Variants in PLBD1 observed in about 807,000 individuals in gnomAD.
The protein encoded by PLBD1 is lysosomal leucine aminopeptidase.
In PLBD1, 60 loss-of-function variants were observed where a neutral mutation model predicts 63.0. That is an observed-to-expected ratio of 0.95 (90% CI 0.77 to 1.18). The LOEUF is 1.18. Ranked by LOEUF, PLBD1 falls within the 50% of genes most tolerant of loss-of-function variation. PLBD1 has a pLI of 0.00. For missense variants in PLBD1, 598 were observed against 677.9 expected (o/e 0.88, Z 1.31); for synonymous variants, 262 against 248.0 (o/e 1.06, Z -0.53).
At chr12:14,560,356 A>G (rs1945735964) in intron 1 of PLBD1, among the ~76,000 whole-genome samples, 1 of 152,260 alleles carries the variant, frequency 6.6e-6, no homozygotes, top group African/African-American at 2.4e-5. Context: ...TGTTTACTTA[A>G]TATATTCAGA....
chr12:14,566,740 C>T (rs933479512), intron 1 of PLBD1, among the ~76,000 whole-genome samples: 1 of 150,728 alleles, frequency 6.6e-6, no homozygotes, highest in Non-Finnish European at 1.5e-5. Context: ...TCTGATCAAT[C>T]TCACTTTTCT....
At chr12:14,517,324 T>C (rs1945344451) in intron 6 of PLBD1, among the ~76,000 whole-genome samples, 1 of 152,070 alleles carries the variant, frequency 6.6e-6, no homozygotes, top group Non-Finnish European at 1.5e-5. Flanking sequence ...TTTTTTAATT[T>C]TTTGTAGAGA....
At chr12:14,506,528 A>G (rs953362892) in intron 9 of PLBD1, among the ~76,000 whole-genome samples, 2 of 152,268 alleles carry the variant, frequency 1.3e-5, no homozygotes, top group Admixed American at 6.5e-5. Flanking sequence ...ATAAACGTCC[A>G]TCAGCTGTTT....
rs1343112863 is a variant in PLBD1, at chr12:14,540,093, T to C, written c.558+671A>G. On this transcript the variant is annotated intron_variant, in intron 4 of 10. Coordinates refer to ENST00000240617, the MANE Select transcript of PLBD1 (RefSeq NM_024829.6). ...GTCAAAATAGGCAAAAAGAGAGTTA[T>C]ATAATATAAATATTATTTATATATA... Among the ~76,000 whole-genome samples the C allele has an allele frequency of 2.4e-5, 2 of 81,664 alleles. 1 individual carries two copies. Among genetic ancestry groups the C allele is most frequent in the Non-Finnish European group, 4.9e-5 (2 of 40,406 alleles). 53.6% of individuals were successfully genotyped at this position (81,664 alleles called of 152,430 possible).
intron 4 of PLBD1, among the ~76,000 whole-genome samples, chr12:14,538,792 G>A (rs910481518): frequency 2.6e-5 from 4 of 152,092 alleles, no homozygotes; most frequent in Admixed American, 6.5e-5. Context: ...TTGGGAGGCC[G>A]AGTCCAGTGA....
chr12:14,560,090 C>T (rs904780667), intron 1 of PLBD1, among the ~76,000 whole-genome samples: 2 of 152,128 alleles, frequency 1.3e-5, no homozygotes, highest in African/African-American at 4.8e-5. Flanking sequence ...GAACTCTTGA[C>T]CTCAGGTGAT....
chr12:14,559,947 G>A lies in PLBD1; in HGVS notation c.116-6535C>T, dbSNP rs1041050806. Among the ~76,000 whole-genome samples the A allele has an allele frequency of 4.6e-5, 7 of 151,300 alleles. No individual in the cohort carries two copies. In the East Asian group the frequency reaches 9.7e-4, roughly 21 times the overall value. On this transcript the variant is annotated intron_variant, in intron 1 of 10. Transcript: ENST00000240617. ...GCGATCTTGGCTCACCACAGCCTCCGCCTCCCGGGTTCAAGCGATTCTCCT... is the reference window on the plus strand; with the variant it reads ...GCGATCTTGGCTCACCACAGCCTCCACCTCCCGGGTTCAAGCGATTCTCCT...
chr12:14,523,239 G>A (rs182085824), intron 6 of PLBD1, among the ~76,000 whole-genome samples: 4 of 151,856 alleles, frequency 2.6e-5, no homozygotes, highest in Admixed American at 2.6e-4. Context: ...AAATAAGAAG[G>A]CAATTCCATT....
intron 1 of PLBD1, among the ~76,000 whole-genome samples, chr12:14,561,382 TG>T (rs1389111279): frequency 6.6e-6 from 1 of 152,032 alleles, no homozygotes; most frequent in East Asian, 1.9e-4. Context: ...GGTTCCATGC[TG>T]TTAGGTCAGT....
At chr12:14,543,724 C>T (rs1023288543) in intron 2 of PLBD1, among the ~76,000 whole-genome samples, 3 of 151,936 alleles carry the variant, frequency 2.0e-5, no homozygotes, top group African/African-American at 4.8e-5. Flanking sequence ...GACTCCATCT[C>T]AGGAAAAAAA....
intron 8 of PLBD1, 52 bp downstream of exon 8, chr12:14,511,208 T>G: frequency 7.1e-7 from 1 of 1,407,296 alleles, no homozygotes; most frequent in South Asian, 1.3e-5. Context: ...CTACCATATA[T>G]GAACACACAC....
At chr12:14,553,488 A>G in intron 1 of PLBD1, 76 bp from the exon 2 acceptor site, 6 of 1,118,614 alleles carry the variant, frequency 5.4e-6, no homozygotes, top group Non-Finnish European at 8.0e-6. Flanking sequence ...GTATCCAACA[A>G]TTTCAAGACG....
chr12:14,519,817 G>A (rs1186589544), intron 6 of PLBD1, among the ~76,000 whole-genome samples: 1 of 152,122 alleles, frequency 6.6e-6, no homozygotes, highest in Non-Finnish European at 1.5e-5. Context: ...CCCAGTCTTT[G>A]TCATGGCAGC....
chr12:14,534,778 G>A (rs559252417), intron 6 of PLBD1, among the ~76,000 whole-genome samples: 88 of 152,218 alleles, frequency 5.8e-4, no homozygotes, highest in Admixed American at 1.6e-3. Flanking sequence ...TCCTGACCTC[G>A]TGATCCGCCC....
intron 6 of PLBD1, among the ~76,000 whole-genome samples, chr12:14,516,244 G>T (rs538366910): frequency 1.3e-5 from 2 of 152,158 alleles, no homozygotes; most frequent in Non-Finnish European, 1.5e-5. Context: ...TAGGGGATTC[G>T]CTTGAACCCA....
chr12:14,562,273 T>C (rs1945746477), intron 1 of PLBD1, among the ~76,000 whole-genome samples: 2 of 151,822 alleles, frequency 1.3e-5, no homozygotes, highest in Non-Finnish European at 2.9e-5. Flanking sequence ...ACCTGCCCAA[T>C]ATGGTGAAAC....
At chr12:14,514,519 G>T (rs1945323487) in intron 6 of PLBD1, among the ~76,000 whole-genome samples, 1 of 152,172 alleles carries the variant, frequency 6.6e-6, no homozygotes, top group African/African-American at 2.4e-5. Context: ...TTAAAGGCAA[G>T]ATTCTTTATG....
At chr12:14,543,929 CT>C in intron 2 of PLBD1, among the ~76,000 whole-genome samples, 1 of 151,684 alleles carries the variant, frequency 6.6e-6, no homozygotes, top group Non-Finnish European at 1.5e-5. Flanking sequence ...TATTTTGCCC[CT>C]ACTCTTGGAT....
intron 10 of PLBD1, 57 bp from the exon 11 acceptor site, chr12:14,504,011 A>G: frequency 6.7e-7 from 1 of 1,497,154 alleles, no homozygotes; most frequent in East Asian, 2.3e-5. Context: ...AAAAAATTAA[A>G]TCCATGGCCT....
Sources: gnomAD v4.1 joint callset for allele counts (sites outside exome capture counted in the v4.1 genomes callset) on GRCh38, gnomAD v4.1.1 for gene constraint, MANE v1.5 for transcripts, NCBI Gene and HGNC (gene_info 2026-07-23, HGNC 2026-07-21) for gene names.